PCLO: variants seen among roughly 807,000 people sequenced by gnomAD.
PCLO encodes protein piccolo.
A neutral mutation model predicts 427.5 loss-of-function variants in PCLO; 82 were observed. That is an observed-to-expected ratio of 0.19 (90% CI 0.16 to 0.23). PCLO has a LOEUF of 0.23. Ranked by LOEUF, PCLO falls within the 10% of genes least tolerant of loss-of-function variation. The pLI is 1.00. For missense variants in PCLO, 6,239 were observed against 6,115.9 expected (o/e 1.02, Z -0.67); for synonymous variants, 2,357 against 2,155.4 (o/e 1.09, Z -2.59).
chr7:83,134,805 G>T lies in PCLO; in HGVS notation c.2745C>A (p.Ala915=). The T allele has an allele frequency of 6.2e-7, 1 of 1,613,788 alleles. No individual in the cohort carries two copies. Among genetic ancestry groups the T allele is most frequent in the Non-Finnish European group, 8.5e-7 (1 of 1,179,830 alleles). ...GAGGAGTTGTAGGCTGTGATTTGGG[G>T]GCATCAGTAATACTTCCCAGATTCA... The part of the protein sequence containing the change: ...FSLNLGSITD[A]PKSQPTTPQE... Residue 915 remains alanine, a synonymous_variant, in exon 3 of 25, where the codon GCC becomes GCA. Transcript: ENST00000333891.
At chr7:82,787,492 G>A (rs1022815139) in intron 22 of PCLO, among the ~76,000 whole-genome samples, 3 of 151,896 alleles carry the variant, frequency 2.0e-5, no homozygotes, top group Non-Finnish European at 4.4e-5. Context: ...TTCCAGGAGC[G>A]TTTTAGTAGA....
Position 82,956,309 on chromosome 7 carries a change from T to G in PCLO, c.4644A>C (p.Gly1548=). The G allele has an allele frequency of 6.2e-7, 1 of 1,613,078 alleles. No homozygotes were observed. The highest frequency in any genetic ancestry group is 2.2e-5 in the East Asian group (1 of 44,874). ...GAATGAAGTCCTCCTCTTCCCCTGA[T>G]CCTTGGCTGTCTTCCTGTTTATACT... The part of the protein sequence containing the change: ...SDEYKQEDSQ[G]SGEEEDFIRK... Residue 1548 remains glycine, a synonymous_variant, in exon 5 of 25, where the codon GGA becomes GGC. Transcript: ENST00000333891.
At chr7:82,822,374 CAG>C in intron 20 of PCLO, 119 bp downstream of exon 20, 1 of 1,582,244 alleles carries the variant, frequency 6.3e-7, no homozygotes, top group Non-Finnish European at 8.6e-7. Context: ...GACAAAGGGA[CAG>C]AGAACAGGGT....
chr7:82,881,155 T>C (rs1793497341), intron 9 of PCLO, among the ~76,000 whole-genome samples: 1 of 152,072 alleles, frequency 6.6e-6, no homozygotes, highest in South Asian at 2.1e-4. Context: ...GGTGGGAGGA[T>C]TGCTTGAGGC....
intron 3 of PCLO, among the ~76,000 whole-genome samples, chr7:83,057,425 A>G (rs1583967298): frequency 8.0e-6 from 1 of 125,228 alleles, no homozygotes; most frequent in African/African-American, 3.1e-5. Context: ...GCAGTGGCGC[A>G]ATCTCGGCTC....
intron 3 of PCLO, among the ~76,000 whole-genome samples, chr7:83,093,114 T>G (rs1490480502): frequency 6.6e-6 from 1 of 152,016 alleles, no homozygotes; most frequent in Non-Finnish European, 1.5e-5. Flanking sequence ...ATCCAGAATT[T>G]TGTGTCTTCT....
intron 3 of PCLO, among the ~76,000 whole-genome samples, chr7:83,031,866 T>C (rs182030594): frequency 6.6e-6 from 1 of 152,062 alleles, no homozygotes; most frequent in Non-Finnish European, 1.5e-5. Flanking sequence ...GTAGGCTTAA[T>C]AACACAATTT....
chr7:83,135,331 A>C lies in PCLO; in HGVS notation c.2219T>G (p.Val740Gly). ...SKPAPPKEPSVPSEQDKAPVA... is the reference protein window; with the variant it reads ...SKPAPPKEPSGPSEQDKAPVA... ...AGGGGCCTTGTCCTGCTCAGATGGG[A>C]CAGAAGGTTCTTTGGGAGGGGCTGG... is the stretch of plus-strand genomic sequence containing the variant. Residue 740 changes from valine to glycine, a missense_variant, in exon 3 of 25, where the codon GTC becomes GGC. By Grantham distance (109) the Val-to-Gly change is moderately radical. Transcript: ENST00000333891. The C allele has an allele frequency of 1.2e-6, 2 of 1,613,912 alleles. No individual in the cohort carries two copies. Among genetic ancestry groups the C allele is most frequent in the Non-Finnish European group, 1.7e-6 (2 of 1,179,880 alleles).
At chr7:82,898,352 G>A (rs1428521358) in intron 9 of PCLO, among the ~76,000 whole-genome samples, 1 of 151,362 alleles carries the variant, frequency 6.6e-6, no homozygotes, top group Non-Finnish European at 1.5e-5. Context: ...TAGGAGAATG[G>A]TAAAAAACAA....
intron 3 of PCLO, among the ~76,000 whole-genome samples, chr7:83,133,859 T>G (rs1163302062): frequency 6.6e-6 from 1 of 151,926 alleles, no homozygotes; most frequent in Non-Finnish European, 1.5e-5. Context: ...AATAAAATAT[T>G]AAAACCTTTT....
At chr7:83,138,506 C>T (rs1791784807) in intron 2 of PCLO, among the ~76,000 whole-genome samples, 2 of 152,086 alleles carry the variant, frequency 1.3e-5, no homozygotes, top group South Asian at 2.1e-4. Flanking sequence ...ATTACAAATA[C>T]AAAAATTAGC....
At chr7:82,786,809 C>T (rs979850842) in intron 22 of PCLO, among the ~76,000 whole-genome samples, 2 of 152,016 alleles carry the variant, frequency 1.3e-5, no homozygotes, top group East Asian at 3.9e-4. Context: ...TCTCATTGTT[C>T]ATCTCCCACT....
intron 3 of PCLO, among the ~76,000 whole-genome samples, chr7:83,124,304 A>C (rs1057346366): frequency 1.3e-5 from 2 of 150,362 alleles, no homozygotes; most frequent in African/African-American, 4.9e-5. Flanking sequence ...CAGTGAGCCG[A>C]GATAGCACCA....
At chr7:83,121,159 CT>C (rs60977280) in intron 3 of PCLO, among the ~76,000 whole-genome samples, 74,642 of 151,726 alleles carry the variant, frequency 0.49, 19,258 homozygotes, top group East Asian at 0.69. Flanking sequence ...AAACAAAAAA[CT>C]TTTGTAAAGA....
chr7:83,132,594 T>C (rs1428050704), intron 3 of PCLO, among the ~76,000 whole-genome samples: 2 of 152,134 alleles, frequency 1.3e-5, no homozygotes, highest in Non-Finnish European at 2.9e-5. Flanking sequence ...TAATAATTAC[T>C]ATAATTCAGA....
intron 10 of PCLO, among the ~76,000 whole-genome samples, chr7:82,853,731 A>G (rs970885790): frequency 1.3e-5 from 2 of 152,034 alleles, no homozygotes; most frequent in Non-Finnish European, 2.9e-5. Flanking sequence ...TGTTCTTTTC[A>G]CCCTAATTGA....
intron 6 of PCLO, among the ~76,000 whole-genome samples, chr7:82,930,068 T>C (rs987636950): frequency 5.3e-5 from 8 of 152,284 alleles, no homozygotes; most frequent in African/African-American, 1.7e-4. Context: ...TCTGTCTGGA[T>C]CTTAGAGAAT....
intron 3 of PCLO, among the ~76,000 whole-genome samples, chr7:82,985,470 C>G (rs375955967): frequency 2.6e-5 from 4 of 151,942 alleles, no homozygotes; most frequent in African/African-American, 9.7e-5. Context: ...AATATTTAGC[C>G]AAAGTGGGGT....
Position 82,954,277 on chromosome 7 carries a change from T to C in PCLO, c.6676A>G (p.Ile2226Val). 6.2e-7 allele frequency: 1 copy of C among 1,613,666 alleles called. No individual in the cohort carries two copies. The highest frequency in any genetic ancestry group is 1.1e-5 in the South Asian group (1 of 91,070). The part of the protein sequence containing the change: ...MITKFEDSEE[I>V]SSSTYFPGSI... The stretch of plus-strand genomic sequence containing the variant: ...CCTGGAAAATAAGTTGATGAAGAAA[T>C]TTCCTCAGAATCTTCAAATTTAGTT... Residue 2226 changes from isoleucine to valine, a missense_variant, in exon 5 of 25, where the codon ATT becomes GTT. By Grantham distance (29) the Ile-to-Val change is conservative (BLOSUM62 3). This residue lies in a region of PCLO where 4,677 missense variants were observed against 4,468.4 expected (regional missense o/e 1.05). Transcript: ENST00000333891.
Sources: gnomAD v4.1 joint callset for allele counts (sites outside exome capture counted in the v4.1 genomes callset) on GRCh38, gnomAD v4.1.1 for gene constraint, gnomAD v4.1.1 regional missense constraint, MANE v1.5 for transcripts, NCBI Gene and HGNC (gene_info 2026-07-23, HGNC 2026-07-21) for gene names.